The following COL5A3 variants were observed in gnomAD, a reference collection of about 807,000 sequenced individuals.
COL5A3 encodes the protein collagen alpha-3(V) chain.
In COL5A3, 172 loss-of-function variants were observed where a neutral mutation model predicts 250.0. The observed-to-expected ratio is 0.69, with a 90% CI of 0.61 to 0.78. The LOEUF is 0.78. COL5A3 is among the 30% of genes least tolerant of loss of function. COL5A3 has a pLI of 0.00. For synonymous variants in COL5A3, 937 were observed against 900.4 expected (o/e 1.04, Z -0.73); for missense variants, 2,340 against 2,334.4 (o/e 1.00, Z -0.05).
intron 6 of COL5A3, among the ~76,000 whole-genome samples, 191 bp from the exon 7 acceptor site, chr19:10,002,072 C>T (rs1392797659): frequency 2.0e-5 from 3 of 152,248 alleles, no homozygotes; most frequent in African/African-American, 4.8e-5. Flanking sequence ...AGGGAGCCAC[C>T]GTGGATGGAG....
At chr19:9,963,395 ATTTTTAT>A (rs2086697164) in intron 64 of COL5A3, among the ~76,000 whole-genome samples, 1 of 150,304 alleles carries the variant, frequency 6.7e-6, no homozygotes, top group African/African-American at 2.5e-5. Context: ...GCTTTTTTAA[ATTTTTAT>A]TTTTTGAGAC....
At chr19:9,965,126 GTAGA>G (rs2086722342) in intron 64 of COL5A3, among the ~76,000 whole-genome samples, 1 of 149,978 alleles carries the variant, frequency 6.7e-6, no homozygotes, top group African/African-American at 2.4e-5. Flanking sequence ...ACTCTATGAA[GTAGA>G]TACTTTCTTT....
chr19:9,972,933 C>T lies in COL5A3; in HGVS notation c.3760G>A (p.Ala1254Thr), dbSNP rs1228590927. 3 of 1,609,746 alleles carry T rather than the reference C, an allele frequency of 1.9e-6. No homozygotes were observed. Among genetic ancestry groups the T allele is most frequent in the Non-Finnish European group, 2.5e-6 (3 of 1,178,166 alleles). ...CCAGGACTCACCACGCTCCCTTTGGCTCCATCCTCTCCAGGGGGACCTTTC... is the reference window on the plus strand; with the variant it reads ...CCAGGACTCACCACGCTCCCTTTGGTTCCATCCTCTCCAGGGGGACCTTTC... ...GKKGPPGEDG[A>T]KGSVGPTGLP... Residue 1254 changes from alanine to threonine, a missense_variant, in exon 51 of 67, where the codon GCC (alanine) becomes ACC (threonine). Around this residue, in one of 3 missense-constraint regions of COL5A3, gnomAD observed 1,179 missense variants for 1,162.6 expected, o/e 1.01. Transcript: ENST00000264828.
intron 41 of COL5A3, 72 bp from the exon 42 acceptor site, chr19:9,977,773 C>G (rs1001232063): frequency 4.0e-6 from 5 of 1,243,582 alleles, no homozygotes; most frequent in Non-Finnish European, 4.3e-6. Flanking sequence ...TTTAAGCCAC[C>G]AGGCACTGAG....
Position 9,960,555 on chromosome 19 carries a change from G to T in COL5A3, c.5094C>A (p.Leu1698=). The part of the protein sequence containing the change: ...TVSVPQDGCR[L]RKGQTKTLFE... Reference sequence around the variant, plus strand: ...AAAGGGTCTTCGTCTGTCCTTTCCGGAGCTGTCCCCAGAGAAGACAGAGAC... The same window carrying T: ...AAAGGGTCTTCGTCTGTCCTTTCCGTAGCTGTCCCCAGAGAAGACAGAGAC... Residue 1698 remains leucine, a splice_region_variant and synonymous_variant, in exon 67 of 67, where the codon CTC becomes CTA. Transcript: ENST00000264828. 1 of 1,614,120 alleles carries T rather than the reference G, an allele frequency of 6.2e-7. No individual in the cohort carries two copies. The highest frequency in any genetic ancestry group is 8.5e-7 in the Non-Finnish European group (1 of 1,180,026).
At position 9,968,317 on chromosome 19, in the gene COL5A3, A is replaced by G; in HGVS notation, c.4314+68T>C. The G allele has an allele frequency of 7.5e-7, 1 of 1,325,168 alleles. No homozygotes were observed. Among genetic ancestry groups the G allele is most frequent in the Admixed American group, 2.2e-5 (1 of 46,464 alleles). The allele number at this position is 1,325,168 out of a possible 1,614,324, so 82.1% of individuals were successfully genotyped here. ...TCCAGACCCACGTTTCCCAGACCCC[A>G]CACCCACAGTCTCTCAACCGACCCC... On this transcript the variant is annotated intron_variant, in intron 59 of 66. Transcript: ENST00000264828. The surrounding 1 kb of genome is among the most constrained non-coding windows in gnomAD (Gnocchi z 4.1).
intron 5 of COL5A3, 49 bp from the exon 6 acceptor site, chr19:10,003,763 C>T (rs1191412947): frequency 1.9e-6 from 3 of 1,606,380 alleles, no homozygotes; most frequent in Non-Finnish European, 2.6e-6. Flanking sequence ...CAGCAGAGAC[C>T]CCATCATTCA....
intron 32 of COL5A3, among the ~76,000 whole-genome samples, chr19:9,981,717 A>G (rs1474391352): frequency 1.3e-5 from 2 of 152,226 alleles, no homozygotes; most frequent in African/African-American, 2.4e-5. Context: ...TTTCACGCAT[A>G]TGTACAAGCT....
At chr19:9,963,561 T>TTTG (rs1555733032) in intron 64 of COL5A3, among the ~76,000 whole-genome samples, 36 of 40,122 alleles carry the variant, frequency 9.0e-4, no homozygotes, top group Middle Eastern at 0.017. Context: ...CTGTTTTTTT[T>TTTG]GGGGGGGGGG....
intron 27 of COL5A3, 36 bp from the exon 28 acceptor site, chr19:9,986,794 C>G: frequency 6.2e-7 from 1 of 1,610,620 alleles, no homozygotes; most frequent in Non-Finnish European, 8.5e-7. Context: ...CAAGCCTCTT[C>G]CCTGCTTAAG....
At chr19:9,981,019 C>A (rs1435268013) in intron 33 of COL5A3, 69 bp downstream of exon 33, 1 of 1,563,394 alleles carries the variant, frequency 6.4e-7, no homozygotes, top group Non-Finnish European at 8.8e-7. Flanking sequence ...GATGACCTCT[C>A]CACTACCTTT....
Position 9,993,419 on chromosome 19 carries a change from A to G in COL5A3, c.1710T>C (p.His570=). The G allele has an allele frequency of 6.2e-7, 1 of 1,614,002 alleles. No homozygotes were observed. Among genetic ancestry groups the G allele is most frequent in the Non-Finnish European group, 8.5e-7 (1 of 1,179,930 alleles). The change falls in exon 19 of 67, where the codon CAT becomes CAC. Residue 570 remains histidine, a synonymous_variant. Transcript: ENST00000264828. ...GEKGQRGDFG[H]VGQPGPPGED... ...CTCCTGGGGGACCGGGTTGCCCCAC[A>G]TGGCCAAAGTCACCCTGGAGAGGGA...
chr19:9,996,570 C>A (rs370909615), intron 12 of COL5A3, 45 bp downstream of exon 12: 4 of 1,612,966 alleles, frequency 2.5e-6, no homozygotes, highest in Admixed American at 1.7e-5. Flanking sequence ...CCTCCTGGAT[C>A]AGGACTCCAC....
intron 29 of COL5A3, 44 bp from the exon 30 acceptor site, chr19:9,986,466 C>G: frequency 6.2e-7 from 1 of 1,609,852 alleles, no homozygotes; most frequent in Non-Finnish European, 8.5e-7. Flanking sequence ...TTTTGTCCTT[C>G]CTGCTCTGTC....
chr19:9,986,808 T>C (rs1332012438), intron 27 of COL5A3, 50 bp from the exon 28 acceptor site: 1 of 1,598,684 alleles, frequency 6.3e-7, no homozygotes, highest in African/African-American at 1.4e-5. Flanking sequence ...GCTTAAGAAG[T>C]GACCCAGACT....
intron 62 of COL5A3, among the ~76,000 whole-genome samples, chr19:9,967,057 T>TCG (rs3837947): frequency 0.14 from 21,523 of 151,720 alleles, 1,726 homozygotes; most frequent in South Asian, 0.32. Context: ...GGCGCCAGTA[T>TCG]AGACAGAGAC....
chr19:9,979,722 G>T, intron 37 of COL5A3, 117 bp downstream of exon 37: 1 of 995,432 alleles, frequency 1.0e-6, no homozygotes, highest in Non-Finnish European at 1.5e-6. Flanking sequence ...GGAGGCAAAG[G>T]TTGCAGTGAG....
chr19:9,966,358 C>G lies in COL5A3; in HGVS notation c.4738G>C (p.Ala1580Pro). Reference protein sequence around the residue: ...DSFRVFCNFTAGGETCLYPDK... With the variant: ...DSFRVFCNFTPGGETCLYPDK... ...GGATAGAGGCAGGTCTCTCCTCCCGCCGTGAAGTTGCAAAAAACCCTGAAC... is the reference window on the plus strand; with the variant it reads ...GGATAGAGGCAGGTCTCTCCTCCCGGCGTGAAGTTGCAAAAAACCCTGAAC... The change falls in exon 64 of 67, where the codon GCG becomes CCG. Residue 1580 changes from alanine to proline, a missense_variant. By Grantham distance (27) the Ala-to-Pro change is conservative. Around this residue, in one of 3 missense-constraint regions of COL5A3, gnomAD observed 1,179 missense variants for 1,162.6 expected, o/e 1.01. Coordinates refer to ENST00000264828, the MANE Select transcript of COL5A3 (RefSeq NM_015719.4). The G allele has an allele frequency of 6.2e-7, 1 of 1,610,092 alleles. No individual in the cohort carries two copies. The highest frequency in any genetic ancestry group is 1.3e-5 in the African/African-American group (1 of 74,992).
Position 10,005,832 on chromosome 19 carries a change from C to T in COL5A3, c.401G>A (p.Arg134His), listed in dbSNP as rs2303098. The change falls in exon 3 of 67, where the codon CGC (arginine) becomes CAC (histidine). Residue 134 changes from arginine (R) to histidine (H), a missense_variant. Transcript: ENST00000264828. ...GAGGTTGACCTGCTGGGGGAGGGGG[C>T]GGAAGGGGTCACCTAGGAGACCCAG... ...PALGLLGDPF[R>H]PLPQQVNLTD... The T allele has an allele frequency of 0.18, 283,105 of 1,612,274 alleles. 25,927 individuals carry two copies. Among genetic ancestry groups the T allele is most frequent in the South Asian group, 0.25 (23,173 of 90,966 alleles).
Sources: gnomAD v4.1 joint callset for allele counts (sites outside exome capture counted in the v4.1 genomes callset) on GRCh38, gnomAD v4.1.1 for gene constraint, gnomAD v4.1.1 regional missense constraint, Gnocchi (gnomAD v3.1) non-coding constraint, MANE v1.5 for transcripts, NCBI Gene and HGNC (gene_info 2026-07-23, HGNC 2026-07-21) for gene names.